The following CLSTN2 variants were observed in gnomAD, a reference collection of about 807,000 sequenced individuals.
The protein encoded by CLSTN2 is calsyntenin-2.
Under a neutral mutation model 101.2 loss-of-function variants are expected in CLSTN2, and 48 were observed. The ratio of observed to expected loss-of-function variants is 0.47; its 90% CI spans 0.38 to 0.60. The LOEUF is 0.60. Among genes scored for constraint, CLSTN2 ranks in the 20% least tolerant of loss-of-function variants. The pLI is 0.00. For missense variants in CLSTN2, 1,160 were observed against 1,238.2 expected (o/e 0.94, Z 0.95); for synonymous variants, 481 against 463.6 (o/e 1.04, Z -0.48).
intron 1 of CLSTN2, among the ~76,000 whole-genome samples, chr3:139,974,643 C>G (rs1373900767): frequency 6.6e-6 from 1 of 152,212 alleles, no homozygotes; most frequent in Non-Finnish European, 1.5e-5. Flanking sequence ...AGGTTTTTAA[C>G]TAATTCATCA....
intron 1 of CLSTN2, among the ~76,000 whole-genome samples, chr3:140,152,776 C>T (rs954499169): frequency 6.6e-6 from 1 of 152,172 alleles, no homozygotes; most frequent in Admixed American, 6.5e-5. Flanking sequence ...TACAGGTACT[C>T]CCCTTTCCTT....
intron 1 of CLSTN2, among the ~76,000 whole-genome samples, chr3:140,132,537 C>A (rs1299130955): frequency 6.6e-6 from 1 of 152,116 alleles, no homozygotes; most frequent in African/African-American, 2.4e-5. Context: ...TGCCACTTTC[C>A]AGAAATGAGG....
At chr3:140,264,518 C>A (rs978157180) in intron 2 of CLSTN2, among the ~76,000 whole-genome samples, 3 of 150,118 alleles carry the variant, frequency 2.0e-5, no homozygotes, top group Non-Finnish European at 4.4e-5. Context: ...ATATCATAAC[C>A]GGAGACATGA....
chr3:140,444,333 G>A (rs1424944113), intron 5 of CLSTN2, among the ~76,000 whole-genome samples: 1 of 152,092 alleles, frequency 6.6e-6, no homozygotes, highest in Admixed American at 6.5e-5. Flanking sequence ...GGGAGGCTGA[G>A]GCAGGAGAAT....
At chr3:140,166,770 A>G (rs1332041791) in intron 1 of CLSTN2, among the ~76,000 whole-genome samples, 1 of 152,202 alleles carries the variant, frequency 6.6e-6, no homozygotes, top group Non-Finnish European at 1.5e-5. Flanking sequence ...AGACACGGGC[A>G]TTTTCCAAAT....
At chr3:140,051,039 C>T (rs1034131052) in intron 1 of CLSTN2, among the ~76,000 whole-genome samples, 8 of 152,204 alleles carry the variant, frequency 5.3e-5, no homozygotes, top group South Asian at 2.1e-4. Flanking sequence ...TTGAACACAG[C>T]GTCTAACATT....
At chr3:140,051,406 C>A (rs1373004701) in intron 1 of CLSTN2, among the ~76,000 whole-genome samples, 1 of 152,190 alleles carries the variant, frequency 6.6e-6, no homozygotes, top group Admixed American at 6.5e-5. Flanking sequence ...TGCCTTCAGT[C>A]CATTCCCGTT....
At chr3:140,510,603 T>C (rs349504) in intron 8 of CLSTN2, among the ~76,000 whole-genome samples, 65,509 of 152,108 alleles carry the variant, frequency 0.43, 16,616 homozygotes, top group African/African-American at 0.7. Flanking sequence ...CACAGGCTAC[T>C]TTTCAGATTT....
At chr3:139,938,155 A>AAG (rs1289946793) in intron 1 of CLSTN2, among the ~76,000 whole-genome samples, 2 of 152,062 alleles carry the variant, frequency 1.3e-5, no homozygotes, top group Non-Finnish European at 2.9e-5. Flanking sequence ...AAAAAAAAAA[A>AAG]AAAATCAGGA....
intron 1 of CLSTN2, among the ~76,000 whole-genome samples, chr3:140,173,238 T>A (rs762151924): frequency 4.1e-4 from 63 of 152,170 alleles, no homozygotes; most frequent in Admixed American, 3.3e-4. Flanking sequence ...ACAGGGCCCA[T>A]GCAAGTCCAA....
At chr3:140,377,329 AT>A (rs1349853515) in intron 2 of CLSTN2, among the ~76,000 whole-genome samples, 9 of 152,206 alleles carry the variant, frequency 5.9e-5, no homozygotes, top group African/African-American at 2.2e-4. Context: ...TTATGTATTT[AT>A]TTTTTATTGC....
intron 1 of CLSTN2, among the ~76,000 whole-genome samples, chr3:140,000,325 T>A (rs1212958464): frequency 6.6e-6 from 1 of 152,246 alleles, no homozygotes; most frequent in African/African-American, 2.4e-5. Flanking sequence ...AGTTAGCACT[T>A]ATTAATATTT....
Position 139,935,341 on chromosome 3 carries a change from C to CGGCGGCTGCAGCTCGTT in CLSTN2, c.-24_-8dup, listed in dbSNP as rs1311156686. 2 of 1,142,044 alleles carry CGGCGGCTGCAGCTCGTT rather than the reference C, an allele frequency of 1.8e-6. No homozygotes were observed. Among genetic ancestry groups the CGGCGGCTGCAGCTCGTT allele is most frequent in the East Asian group, 6.5e-5 (2 of 30,694 alleles). The allele number at this position is 1,142,044 out of a possible 1,614,324, so 70.7% of individuals were successfully genotyped here. A position where few individuals can be genotyped will look rare whatever the true frequency, so the allele number is the denominator to read the frequency against. ...GGCGAGAGCCGGCGCGGACAGTAGG[C>CGGCGGCTGCAGCTCGTT]GGCGGCTGCAGCTCGTTGGCGGCTG... is the stretch of plus-strand genomic sequence containing the variant. On this transcript the variant is annotated 5_prime_UTR_variant, in exon 1 of 17. Transcript: ENST00000458420. The surrounding 1 kb of genome is among the most constrained non-coding windows in gnomAD (Gnocchi z 5.5).
chr3:140,531,928 T>G (rs1935262619), intron 8 of CLSTN2, among the ~76,000 whole-genome samples: 1 of 152,134 alleles, frequency 6.6e-6, no homozygotes, highest in African/African-American at 2.4e-5. Flanking sequence ...CAGAGCCAAC[T>G]GGAAATTTTG....
intron 2 of CLSTN2, among the ~76,000 whole-genome samples, chr3:140,313,410 C>T (rs1018224077): frequency 3.9e-5 from 6 of 152,034 alleles, no homozygotes; most frequent in Non-Finnish European, 8.8e-5. Flanking sequence ...ATTTTTTTTC[C>T]ACCTAGGGAG....
chr3:140,030,303 C>T (rs2007519578), intron 1 of CLSTN2, among the ~76,000 whole-genome samples: 1 of 152,060 alleles, frequency 6.6e-6, no homozygotes, highest in African/African-American at 2.4e-5. Context: ...GGGTAGCTTC[C>T]CCAATGTTAT....
At chr3:140,305,145 CTG>C (rs139954975) in intron 2 of CLSTN2, among the ~76,000 whole-genome samples, 1,778 of 152,056 alleles carry the variant, frequency 0.012, 22 homozygotes, top group African/African-American at 0.039. Flanking sequence ...GTACTAATCA[CTG>C]TGTAGCCTCC....
chr3:140,204,009 A>T (rs1454908355), intron 2 of CLSTN2, among the ~76,000 whole-genome samples: 1 of 152,076 alleles, frequency 6.6e-6, no homozygotes, highest in African/African-American at 2.4e-5. Context: ...ATCTCCCTAG[A>T]TCTCTTTCTT....
intron 8 of CLSTN2, among the ~76,000 whole-genome samples, chr3:140,492,433 C>T (rs994603626): frequency 3.3e-5 from 5 of 152,164 alleles, no homozygotes; most frequent in East Asian, 1.9e-4. Context: ...GAAGTAGCAG[C>T]GGCAATAAGA....
Sources: gnomAD v4.1 joint callset for allele counts (sites outside exome capture counted in the v4.1 genomes callset) on GRCh38, gnomAD v4.1.1 for gene constraint, Gnocchi (gnomAD v3.1) non-coding constraint, MANE v1.5 for transcripts, NCBI Gene and HGNC (gene_info 2026-07-23, HGNC 2026-07-21) for gene names.